EYA2: variants seen among roughly 807,000 people sequenced by gnomAD.
EYA2 encodes protein phosphatase EYA2.
Under a neutral mutation model 69.2 loss-of-function variants are expected in EYA2, and 31 were observed. The ratio of observed to expected loss-of-function variants is 0.45; its 90% CI spans 0.34 to 0.60. EYA2 has a LOEUF of 0.60. EYA2 is among the 20% of genes least tolerant of loss of function. The pLI, the probability that EYA2 is intolerant of heterozygous loss-of-function variation, is 0.02. For missense variants in EYA2, 622 were observed against 701.2 expected (o/e 0.89, Z 1.28); for synonymous variants, 257 against 279.4 (o/e 0.92, Z 0.80).
Position 47,097,133 on chromosome 20 carries a change from T to C in EYA2, c.853T>C (p.Leu285=), listed in dbSNP as rs1157500678. 6.2e-7 allele frequency: 1 copy of C among 1,611,650 alleles called. No homozygotes were observed. The highest frequency in any genetic ancestry group is 8.5e-7 in the Non-Finnish European group (1 of 1,179,110). ...LDETIIIFHS[L]LTGTFASRYG... is the part of the protein sequence containing the mutation. ...TGAGACAATAATTATTTTTCACTCC[T>C]TACTCACGGGGACATTTGCATCCAG... Residue 285 remains leucine (L), a synonymous_variant, in exon 9 of 16, where the codon TTA becomes CTA. Coordinates refer to ENST00000327619, the MANE Select transcript of EYA2 (RefSeq NM_005244.5).
chr20:47,070,055 A>C (rs188498634), intron 5 of EYA2, among the ~76,000 whole-genome samples: 1 of 152,294 alleles, frequency 6.6e-6, no homozygotes, highest in African/African-American at 2.4e-5. Context: ...TCAACAACCT[A>C]CAATCTTTTG....
intron 1 of EYA2, among the ~76,000 whole-genome samples, chr20:46,987,999 G>GATATAT (rs1568707249): frequency 0.013 from 471 of 37,040 alleles, 35 homozygotes; most frequent in Non-Finnish European, 0.015. Context: ...TATATATATG[G>GATATAT]GGCAAAAAAA....
chr20:46,908,501 A>G (rs1275572515), intron 1 of EYA2, among the ~76,000 whole-genome samples: 2 of 152,230 alleles, frequency 1.3e-5, no homozygotes, highest in African/African-American at 2.4e-5. Flanking sequence ...TTCTGCGTCA[A>G]TCAGTCATGT....
chr20:47,130,930 A>C (rs2033326615), intron 9 of EYA2, among the ~76,000 whole-genome samples: 1 of 152,124 alleles, frequency 6.6e-6, no homozygotes, highest in African/African-American at 2.4e-5. Flanking sequence ...TCTCTACTAA[A>C]AATACAAGAA....
At chr20:46,958,489 T>C (rs1001632891) in intron 1 of EYA2, among the ~76,000 whole-genome samples, 2 of 152,194 alleles carry the variant, frequency 1.3e-5, no homozygotes, top group African/African-American at 4.8e-5. Context: ...TTTTCACTGA[T>C]GGCTGGTATG....
At chr20:46,941,609 T>C (rs2052872908) in intron 1 of EYA2, among the ~76,000 whole-genome samples, 1 of 152,232 alleles carries the variant, frequency 6.6e-6, no homozygotes, top group African/African-American at 2.4e-5. Context: ...TTGAGCAAGT[T>C]ACCTTCCCTC....
At chr20:47,128,098 G>C (rs2033245668) in intron 9 of EYA2, among the ~76,000 whole-genome samples, 1 of 152,236 alleles carries the variant, frequency 6.6e-6, no homozygotes, top group Non-Finnish European at 1.5e-5. Flanking sequence ...AAGGCTGGGA[G>C]CAGAGAGAGA....
intron 1 of EYA2, among the ~76,000 whole-genome samples, chr20:46,987,980 A>C (rs1217122880): frequency 3.5e-4 from 22 of 62,094 alleles, no homozygotes; most frequent in South Asian, 5.3e-4. Context: ...ATATATATAT[A>C]TATATATATA....
At chr20:47,072,314 AGG>A in intron 6 of EYA2, 62 bp downstream of exon 6, 1 of 1,497,580 alleles carries the variant, frequency 6.7e-7, no homozygotes, top group South Asian at 1.2e-5. Context: ...CCCTTACATC[AGG>A]GCACCCAGAG....
chr20:47,018,035 A>G (rs1461596665), intron 5 of EYA2, among the ~76,000 whole-genome samples: 2 of 152,088 alleles, frequency 1.3e-5, no homozygotes, highest in Admixed American at 6.5e-5. Flanking sequence ...AAGGGAGTAA[A>G]CTCCTGAGAC....
At chr20:47,127,672 G>A (rs1421575309) in intron 9 of EYA2, among the ~76,000 whole-genome samples, 1 of 152,216 alleles carries the variant, frequency 6.6e-6, no homozygotes, top group Non-Finnish European at 1.5e-5. Flanking sequence ...CCTCTTTGGG[G>A]CTCCCAAGAC....
intron 2 of EYA2, among the ~76,000 whole-genome samples, chr20:46,999,971 T>C (rs902781450): frequency 2.0e-5 from 3 of 152,222 alleles, no homozygotes; most frequent in African/African-American, 7.2e-5. Flanking sequence ...GAATGCCAGC[T>C]GCTCTTATGA....
chr20:47,150,440 T>C (rs1189113851), intron 10 of EYA2, among the ~76,000 whole-genome samples: 1 of 152,168 alleles, frequency 6.6e-6, no homozygotes, highest in South Asian at 2.1e-4. Flanking sequence ...AGCTCTTCCA[T>C]GCCAGAAGCC....
At chr20:46,947,731 C>T (rs1267986604) in intron 1 of EYA2, among the ~76,000 whole-genome samples, 1 of 152,206 alleles carries the variant, frequency 6.6e-6, no homozygotes. Flanking sequence ...CAAAGCAGCT[C>T]ACATGACCAT....
At chr20:47,067,862 C>T (rs2031173136) in intron 5 of EYA2, among the ~76,000 whole-genome samples, 1 of 152,110 alleles carries the variant, frequency 6.6e-6, no homozygotes, top group South Asian at 2.1e-4. Context: ...TCTTAGTTTT[C>T]CCTTCATTCC....
intron 4 of EYA2, among the ~76,000 whole-genome samples, chr20:47,012,652 C>A (rs1983141160): frequency 6.6e-6 from 1 of 152,098 alleles, no homozygotes. Context: ...CACCACCACA[C>A]CCAGTTAATT....
At chr20:47,009,903 A>G (rs1373675913) in intron 4 of EYA2, among the ~76,000 whole-genome samples, 4 of 152,228 alleles carry the variant, frequency 2.6e-5, no homozygotes, top group East Asian at 1.9e-4. Context: ...TTTAGTACAC[A>G]TTCTTTTGCA....
At chr20:47,019,172 G>A (rs953528275) in intron 5 of EYA2, among the ~76,000 whole-genome samples, 1 of 152,142 alleles carries the variant, frequency 6.6e-6, no homozygotes, top group African/African-American at 2.4e-5. Flanking sequence ...TCTCAGGGGT[G>A]AGCCTAGGGC....
chr20:47,078,507 T>C (rs1413530547), intron 7 of EYA2, among the ~76,000 whole-genome samples: 1 of 152,184 alleles, frequency 6.6e-6, no homozygotes, highest in Admixed American at 6.5e-5. Context: ...TGCCTGGATA[T>C]AGTATTTTGG....
Sources: allele counts gnomAD v4.1 joint callset (sites outside exome capture counted in the v4.1 genomes callset), GRCh38; gene constraint gnomAD v4.1.1; transcripts MANE v1.5; gene names NCBI Gene and HGNC (gene_info 2026-07-23, HGNC 2026-07-21).